The following ELL variants were observed in gnomAD, a reference collection of about 807,000 sequenced individuals.
ELL encodes the protein elongation factor for RNA polymerase II.
A neutral mutation model predicts 64.0 loss-of-function variants in ELL; 18 were observed. The ratio of observed to expected loss-of-function variants is 0.28; its 90% CI spans 0.19 to 0.42. The LOEUF is 0.42. Ranked by LOEUF, ELL falls within the 10% of genes least tolerant of loss-of-function variation. The pLI is 1.00. For missense variants in ELL, 797 were observed against 870.4 expected (o/e 0.92, Z 1.06); for synonymous variants, 399 against 376.2 (o/e 1.06, Z -0.70).
intron 4 of ELL, among the ~76,000 whole-genome samples, chr19:18,465,013 A>G (rs1292868465): frequency 1.3e-5 from 2 of 152,144 alleles, no homozygotes; most frequent in Non-Finnish European, 2.9e-5. Context: ...GCCTCCAGAG[A>G]CAGACATGGG....
chr19:18,489,368 GCCTGGGCAGA>G (rs1415712165), intron 1 of ELL, among the ~76,000 whole-genome samples: 2 of 152,192 alleles, frequency 1.3e-5, no homozygotes, highest in African/African-American at 4.8e-5. Context: ...AGTCATGCAG[GCCTGGGCAGA>G]CCTCGGGCTG....
chr19:18,474,543 C>A (rs1975137197), intron 1 of ELL, among the ~76,000 whole-genome samples: 1 of 152,260 alleles, frequency 6.6e-6, no homozygotes, highest in South Asian at 2.1e-4. Flanking sequence ...AATACATGGG[C>A]CCACTCCACA....
chr19:18,459,172 G>A (rs1346326838), intron 5 of ELL, among the ~76,000 whole-genome samples: 1 of 151,804 alleles, frequency 6.6e-6, no homozygotes, highest in Non-Finnish European at 1.5e-5. Flanking sequence ...CCACCGCGCT[G>A]GGCTCCACCC....
rs892611704 is a variant in ELL at position 18,443,277 on chromosome 19, G to A, written c.*1475C>T. The stretch of plus-strand genomic sequence containing the variant: ...AGTTTCCTCGGAGCTCTGGGAACCC[G>A]GGGGTCCCAAAGGAGAGAGACTCTC... On this transcript the variant is annotated 3_prime_UTR_variant, in exon 12 of 12. Coordinates refer to ENST00000262809, the MANE Select transcript of ELL (RefSeq NM_006532.4). 8.6e-6 allele frequency: 2 copies of A among 232,600 alleles called. No individual in the cohort carries two copies. The highest frequency in any genetic ancestry group is 1.7e-5 in the Non-Finnish European group (2 of 117,590). The allele number at this position is 232,600 out of a possible 1,614,324, so 14.4% of individuals were successfully genotyped here.
intron 6 of ELL, among the ~76,000 whole-genome samples, chr19:18,457,354 G>A (rs751330357): frequency 2.6e-5 from 4 of 152,176 alleles, no homozygotes; most frequent in Non-Finnish European, 5.9e-5. Flanking sequence ...GGATGGGGGC[G>A]GGTCTTCTGC....
chr19:18,494,655 T>G (rs932092328), intron 1 of ELL, among the ~76,000 whole-genome samples: 1 of 152,154 alleles, frequency 6.6e-6, no homozygotes, highest in Non-Finnish European at 1.5e-5. Context: ...CCTCCCAAAG[T>G]GCTGGGATTG....
rs1388101019 is a variant in ELL, at chr19:18,446,560, C to T, written c.1533-80G>A. 1.5e-5 allele frequency: 23 copies of T among 1,549,726 alleles called. No homozygotes were observed. In the South Asian group the frequency reaches 1.5e-4, roughly 10 times the overall value. On this transcript the variant is annotated intron_variant, in intron 9 of 11. Coordinates refer to ENST00000262809, the MANE Select transcript of ELL (RefSeq NM_006532.4). Reference sequence around the variant, plus strand: ...CAGGAAGTGGCCATCCTGGCTCCACCGGCGGCCTGGCCTCTCGGGTGATTC... The same window carrying T: ...CAGGAAGTGGCCATCCTGGCTCCACTGGCGGCCTGGCCTCTCGGGTGATTC...
chr19:18,445,054 G>C (rs1443967440), intron 11 of ELL, among the ~76,000 whole-genome samples, 170 bp downstream of exon 11: 1 of 152,220 alleles, frequency 6.6e-6, no homozygotes, highest in African/African-American at 2.4e-5. Flanking sequence ...GGGCCAGGAT[G>C]CCACAGCTGA....
At chr19:18,473,066 G>A in intron 1 of ELL, 184 bp from the exon 2 acceptor site, 1 of 723,834 alleles carries the variant, frequency 1.4e-6, no homozygotes, top group Non-Finnish European at 2.3e-6. Flanking sequence ...GTTTTAGAAG[G>A]ATCAGTAGGA....
chr19:18,455,514 T>C (rs1205431667), intron 6 of ELL, among the ~76,000 whole-genome samples: 1 of 147,070 alleles, frequency 6.8e-6, no homozygotes, highest in Non-Finnish European at 1.5e-5. Flanking sequence ...AAAAAGAACA[T>C]GCTCCTACGA....
chr19:18,484,288 AC>A (rs1245146135), intron 1 of ELL, among the ~76,000 whole-genome samples: 1 of 152,052 alleles, frequency 6.6e-6, no homozygotes, highest in Non-Finnish European at 1.5e-5. Flanking sequence ...ACGTGGTGAA[AC>A]CCCCATCTCT....
At chr19:18,488,938 G>A (rs531166637) in intron 1 of ELL, among the ~76,000 whole-genome samples, 2 of 152,340 alleles carry the variant, frequency 1.3e-5, no homozygotes, top group East Asian at 3.9e-4. Context: ...TCCTGGACCG[G>A]CTGACCAGAG....
chr19:18,521,544 C>A (rs1232257726), intron 1 of ELL, among the ~76,000 whole-genome samples: 1 of 152,176 alleles, frequency 6.6e-6, no homozygotes, highest in Non-Finnish European at 1.5e-5. Flanking sequence ...ATCACGGTGC[C>A]GGGACCGTGC....
chr19:18,467,637 A>T (rs1312467705), intron 2 of ELL, among the ~76,000 whole-genome samples: 1 of 14,182 alleles, frequency 7.1e-5, no homozygotes, highest in African/African-American at 2.6e-3. Context: ...ACAACCACAC[A>T]CACACACACA....
chr19:18,472,876 C>T lies in ELL; in HGVS notation c.142G>A (p.Val48Ile). 2 of 619,552 alleles carry T rather than the reference C, an allele frequency of 3.2e-6. No individual in the cohort carries two copies. The highest frequency in any genetic ancestry group is 4.5e-5 in the South Asian group (2 of 44,340). The allele number at this position is 619,552 out of a possible 1,614,324, so 38.4% of individuals were successfully genotyped here. A position where few individuals can be genotyped will look rare whatever the true frequency, so the allele number is the denominator to read the frequency against. ...FESYRARQDS[V>I]SLRPSIRFQG... ...AATCGGATAGATGGCCTCAGTGAAACAGAATCCTATAAAAAAAAAAAAAAA... is the reference window on the plus strand; with the variant it reads ...AATCGGATAGATGGCCTCAGTGAAATAGAATCCTATAAAAAAAAAAAAAAA... Residue 48 changes from valine (V) to isoleucine (I), a missense_variant, in exon 2 of 12, where the codon GTT becomes ATT. Val to Ile is a conservative substitution (Grantham distance 29). Coordinates refer to ENST00000262809, the MANE Select transcript of ELL (RefSeq NM_006532.4).
intron 1 of ELL, among the ~76,000 whole-genome samples, chr19:18,473,514 G>A (rs1322526382): frequency 2.0e-5 from 3 of 152,208 alleles, no homozygotes; most frequent in Non-Finnish European, 4.4e-5. Flanking sequence ...TCCACCACAC[G>A]GCCTTGGGGC....
chr19:18,521,948 C>T lies in ELL; in HGVS notation c.108G>A (p.Arg36=). 5 of 1,608,578 alleles carry T rather than the reference C, an allele frequency of 3.1e-6. No individual in the cohort carries two copies. The highest frequency in any genetic ancestry group is 4.2e-6 in the Non-Finnish European group (5 of 1,177,560). The part of the protein sequence containing the change: ...FHVKLTDSAL[R]AFESYRARQD... ...GTCTGGCGCGGTAGCTCTCGAAGGC[C>T]CTCAGGGCACTGTCGGTGAGCTTCA... Residue 36 remains arginine, a synonymous_variant, in exon 1 of 12, where the codon AGG becomes AGA. Transcript: ENST00000262809.
chr19:18,455,133 T>A (rs1293525328), intron 6 of ELL, among the ~76,000 whole-genome samples: 4 of 103,628 alleles, frequency 3.9e-5, no homozygotes, highest in South Asian at 3.1e-4. Context: ...AGGGTGAGAG[T>A]CCCTCTCCAA....
intron 1 of ELL, among the ~76,000 whole-genome samples, chr19:18,484,953 G>A (rs1480408651): frequency 1.3e-5 from 2 of 152,218 alleles, no homozygotes; most frequent in Non-Finnish European, 2.9e-5. Context: ...AATGGAAGAA[G>A]CTAAGGGACT....
Sources: allele counts gnomAD v4.1 joint callset (sites outside exome capture counted in the v4.1 genomes callset), GRCh38; gene constraint gnomAD v4.1.1; transcripts MANE v1.5; gene names NCBI Gene and HGNC (gene_info 2026-07-23, HGNC 2026-07-21).